GPC5: variants seen among roughly 807,000 people sequenced by gnomAD.
GPC5 encodes the protein glypican-5.
Under a neutral mutation model 53.9 loss-of-function variants are expected in GPC5, and 47 were observed. The observed-to-expected ratio is 0.87, with a 90% CI of 0.69 to 1.11. The LOEUF (loss-of-function observed/expected upper bound fraction) is 1.11, where lower values mean the gene tolerates loss of function less well. Ranked by LOEUF, GPC5 falls within the 50% of genes most tolerant of loss-of-function variation. GPC5 has a pLI of 0.00. For synonymous variants in GPC5, 286 were observed against 263.3 expected (o/e 1.09, Z -0.84); for missense variants, 748 against 713.1 (o/e 1.05, Z -0.56).
At chr13:91,534,499 G>A (rs369369766) in intron 2 of GPC5, among the ~76,000 whole-genome samples, 1 of 152,242 alleles carries the variant, frequency 6.6e-6, no homozygotes, top group African/African-American at 2.4e-5. Context: ...CTGTTGTTAG[G>A]GCAGTCCATA....
At chr13:91,458,690 C>G (rs554976878) in intron 2 of GPC5, among the ~76,000 whole-genome samples, 1 of 152,208 alleles carries the variant, frequency 6.6e-6, no homozygotes, top group South Asian at 2.1e-4. Context: ...ATCCAGCAAT[C>G]CCACTACTGG....
chr13:92,418,311 T>C (rs1876405564), intron 7 of GPC5, among the ~76,000 whole-genome samples: 4 of 152,154 alleles, frequency 2.6e-5, no homozygotes, highest in Admixed American at 2.6e-4. Context: ...ATATGGTATA[T>C]GAATAATATT....
intron 7 of GPC5, among the ~76,000 whole-genome samples, chr13:92,266,778 A>T (rs1449469703): frequency 6.6e-6 from 1 of 151,398 alleles, no homozygotes; most frequent in Non-Finnish European, 1.5e-5. Context: ...ATGTCATTTT[A>T]GTTTTAAGAA....
Position 91,469,160 on chromosome 13 carries a change from GT to G in GPC5, c.325+20239del, listed in dbSNP as rs1773436004. On this transcript the variant is annotated intron_variant, in intron 2 of 7. Transcript: ENST00000377067. The stretch of plus-strand genomic sequence containing the variant: ...GTCTTGCTGTGTTGCCCAGGCTGGA[GT>G]GCAGTGGCATGATCTCGGCTCACTG... Among the ~76,000 whole-genome samples, 3 of 151,790 alleles carry G rather than the reference GT, an allele frequency of 2.0e-5. No homozygotes were observed. In the South Asian group the frequency reaches 6.2e-4, roughly 32 times the overall value.
At chr13:92,697,783 A>C (rs949724534) in intron 7 of GPC5, among the ~76,000 whole-genome samples, 2 of 152,188 alleles carry the variant, frequency 1.3e-5, no homozygotes, top group African/African-American at 2.4e-5. Context: ...CAGTTTTCAA[A>C]GGGAATGCTT....
Position 91,728,540 on chromosome 13 carries a change from G to T in GPC5, c.1029G>T (p.Arg343Ser), listed in dbSNP as rs1304121546. The T allele has an allele frequency of 6.2e-7, 1 of 1,609,872 alleles. No homozygotes were observed. The highest frequency in any genetic ancestry group is 1.7e-5 in the Admixed American group (1 of 59,530). ...TGTTTTCTATTTAAAAGGTAAATAG[G>T]ATTTGTGGCCGCCCTGTAAGAACAC... is the stretch of plus-strand genomic sequence containing the variant. ...NGQKLLEQVN[R>S]ICGRPVRTPT... The change falls in exon 4 of 8, where the codon AGG becomes AGT. Residue 343 changes from arginine (R) to serine (S), a missense_variant. Transcript: ENST00000377067.
intron 4 of GPC5, among the ~76,000 whole-genome samples, chr13:91,733,756 G>A (rs942930524): frequency 5.9e-5 from 9 of 152,042 alleles, no homozygotes; most frequent in Non-Finnish European, 8.8e-5. Flanking sequence ...TCTAAATATA[G>A]AATCATGTTA....
chr13:92,218,689 A>G (rs1336001846), intron 7 of GPC5, among the ~76,000 whole-genome samples: 1 of 152,210 alleles, frequency 6.6e-6, no homozygotes, highest in African/African-American at 2.4e-5. Flanking sequence ...TCTAATAAAA[A>G]TCAGCAACAT....
intron 7 of GPC5, among the ~76,000 whole-genome samples, chr13:92,665,915 C>A (rs555810461): frequency 1.3e-5 from 2 of 152,276 alleles, no homozygotes; most frequent in East Asian, 3.9e-4. Context: ...CACATATTAT[C>A]TGGCACCCCA....
At chr13:92,133,492 T>C (rs1252334352) in intron 6 of GPC5, among the ~76,000 whole-genome samples, 5 of 152,172 alleles carry the variant, frequency 3.3e-5, no homozygotes, top group Admixed American at 6.5e-5. Context: ...AAACCAAGTT[T>C]TAAAGGAATT....
intron 7 of GPC5, among the ~76,000 whole-genome samples, chr13:92,753,571 G>A (rs1278973377): frequency 6.6e-6 from 1 of 152,014 alleles, no homozygotes; most frequent in Non-Finnish European, 1.5e-5. Flanking sequence ...CAAAGAAGTT[G>A]AAAACTTTGA....
chr13:92,499,471 A>G (rs1594253015), intron 7 of GPC5, among the ~76,000 whole-genome samples: 1 of 152,284 alleles, frequency 6.6e-6, no homozygotes, highest in Middle Eastern at 3.4e-3. Context: ...TTATTATTGA[A>G]AATGTTTTCA....
chr13:92,753,273 G>C (rs995939332), intron 7 of GPC5, among the ~76,000 whole-genome samples: 4 of 152,130 alleles, frequency 2.6e-5, no homozygotes, highest in African/African-American at 7.2e-5. Flanking sequence ...CTGCAGCTGA[G>C]GGTCCTGTCT....
intron 1 of GPC5, among the ~76,000 whole-genome samples, chr13:91,408,427 CCA>C (rs1877486737): frequency 6.6e-6 from 1 of 152,032 alleles, no homozygotes; most frequent in African/African-American, 2.4e-5. Context: ...TCTATCATAT[CCA>C]CATTTTCTTT....
chr13:91,547,947 G>A (rs1390022499), intron 2 of GPC5, among the ~76,000 whole-genome samples: 1 of 151,974 alleles, frequency 6.6e-6, no homozygotes, highest in African/African-American at 2.4e-5. Flanking sequence ...AAATAAATTA[G>A]GAATAGAGAG....
intron 7 of GPC5, among the ~76,000 whole-genome samples, chr13:92,262,547 T>C (rs1006022143): frequency 2.0e-5 from 3 of 152,172 alleles, no homozygotes; most frequent in South Asian, 2.1e-4. Context: ...ATTAATGCCA[T>C]GCATTTGAGC....
chr13:92,199,482 A>T, intron 7 of GPC5, among the ~76,000 whole-genome samples: 2 of 152,340 alleles, frequency 1.3e-5, no homozygotes, highest in East Asian at 3.8e-4. Context: ...TGAATAATAA[A>T]AAAAGATATT....
intron 6 of GPC5, among the ~76,000 whole-genome samples, chr13:92,073,817 T>C (rs1319708172): frequency 6.6e-6 from 1 of 152,128 alleles, no homozygotes. Context: ...TGAATTGTGG[T>C]TACCATAATC....
intron 7 of GPC5, among the ~76,000 whole-genome samples, chr13:92,546,071 C>T (rs1034584856): frequency 6.6e-6 from 1 of 152,062 alleles, no homozygotes; most frequent in African/African-American, 2.4e-5. Flanking sequence ...TGAATGGACA[C>T]AAACTGGAAG....
Sources: allele counts gnomAD v4.1 joint callset (sites outside exome capture counted in the v4.1 genomes callset), GRCh38; gene constraint gnomAD v4.1.1; transcripts MANE v1.5; gene names NCBI Gene and HGNC (gene_info 2026-07-23, HGNC 2026-07-21).